Variants in BCAS3 observed in about 807,000 individuals in gnomAD.
BCAS3 encodes BCAS3 microtubule associated cell migration factor, also known as BCAS4/BCAS3 fusion.
In BCAS3, 53 loss-of-function variants were observed where a neutral mutation model predicts 116.1. The observed-to-expected ratio is 0.46, with a 90% CI of 0.37 to 0.57. The LOEUF (loss-of-function observed/expected upper bound fraction) is 0.57, where lower values mean the gene tolerates loss of function less well. BCAS3 is among the 20% of genes least tolerant of loss of function. The pLI, the probability that BCAS3 is intolerant of heterozygous loss-of-function variation, is 0.00. For synonymous variants in BCAS3, 391 were observed against 408.2 expected (o/e 0.96, Z 0.51); for missense variants, 917 against 1,165.4 (o/e 0.79, Z 3.10).
At chr17:60,898,109 G>A (rs1210706373) in intron 10 of BCAS3, among the ~76,000 whole-genome samples, 2 of 151,854 alleles carry the variant, frequency 1.3e-5, no homozygotes, top group African/African-American at 4.8e-5. Context: ...ATTCTGAATT[G>A]TTTTTCTGAT....
At chr17:61,064,302 C>T (rs2070381942) in intron 19 of BCAS3, among the ~76,000 whole-genome samples, 2 of 151,696 alleles carry the variant, frequency 1.3e-5, no homozygotes, top group Non-Finnish European at 2.9e-5. Context: ...CATAGCGATA[C>T]CTATCTCTTA....
At chr17:60,966,768 T>C (rs1204571286) in intron 14 of BCAS3, among the ~76,000 whole-genome samples, 1 of 151,150 alleles carries the variant, frequency 6.6e-6, no homozygotes, top group African/African-American at 2.4e-5. Flanking sequence ...TTCTTCTGCC[T>C]CAGCCTCCTG....
At chr17:61,123,686 A>C (rs1299878171) in intron 22 of BCAS3, among the ~76,000 whole-genome samples, 1 of 151,896 alleles carries the variant, frequency 6.6e-6, no homozygotes, top group Non-Finnish European at 1.5e-5. Flanking sequence ...CTCTACTTGT[A>C]GTGCCTCTGT....
chr17:61,387,536 G>T lies in BCAS3; in HGVS notation c.2594-4441G>T, dbSNP rs73991906. Among the ~76,000 whole-genome samples, 6,961 of 152,222 alleles carry T rather than the reference G, an allele frequency of 0.046. 472 individuals are homozygous for T. Among genetic ancestry groups the T allele is most frequent in the African/African-American group, 0.15 (6,263 of 41,504 alleles). ...GATCCGGCTGTCTCATCCTTCACTT[G>T]TTTCATGAGAGCGGAGGCACCTTTC... On this transcript the variant is annotated intron_variant, in intron 23 of 23. Coordinates refer to ENST00000407086, the MANE Select transcript of BCAS3 (RefSeq NM_017679.5). The surrounding 1 kb of genome is among the most constrained non-coding windows in gnomAD (Gnocchi z 6.2).
chr17:60,893,600 C>CTTTTTTTTTTTT (rs930873750), intron 10 of BCAS3, among the ~76,000 whole-genome samples: 4 of 82,054 alleles, frequency 4.9e-5, no homozygotes, highest in Non-Finnish European at 6.8e-5. Flanking sequence ...GACCTATGAT[C>CTTTTTTTTTTTT]TTTTTTTTTT....
intron 21 of BCAS3, among the ~76,000 whole-genome samples, chr17:61,081,100 A>G (rs1477861015): frequency 6.6e-6 from 1 of 152,240 alleles, no homozygotes; most frequent in African/African-American, 2.4e-5. Flanking sequence ...CGTGTTTACA[A>G]CAGTCATTTG....
chr17:61,313,849 C>A lies in BCAS3; in HGVS notation c.2426-54478C>A, dbSNP rs1168494375. On this transcript the variant is annotated intron_variant, in intron 22 of 23. Coordinates refer to ENST00000407086, the MANE Select transcript of BCAS3 (RefSeq NM_017679.5). This position sits in a 1 kb window ranked among gnomAD's most constrained non-coding sequence, Gnocchi z 4.3. The stretch of plus-strand genomic sequence containing the variant: ...AGCTCAAGCAAGAGATGTTTCAATG[C>A]CGCGGAGCCAGTGACCACACGTGGG... Among the ~76,000 whole-genome samples the A allele has an allele frequency of 2.0e-5, 3 of 152,214 alleles. No homozygotes were observed. The highest frequency in any genetic ancestry group is 4.4e-5 in the Non-Finnish European group (3 of 68,036).
At chr17:60,856,089 C>T (rs529291709) in intron 7 of BCAS3, among the ~76,000 whole-genome samples, 11 of 152,272 alleles carry the variant, frequency 7.2e-5, no homozygotes, top group South Asian at 2.1e-4. Flanking sequence ...AGGCCATGTC[C>T]GAGGTCAGCT....
At position 61,346,394 on chromosome 17, in the gene BCAS3, C is replaced by T. The variant is rs889475097; in HGVS notation, c.2426-21933C>T. 1.3e-5 allele frequency among the ~76,000 whole-genome samples: 2 copies of T among 152,196 alleles called. No individual in the cohort carries two copies. Among genetic ancestry groups the T allele is most frequent in the Non-Finnish European group, 1.5e-5 (1 of 68,032 alleles). Reference sequence around the variant, plus strand: ...ATGAGATGTCTAAAGTTCTGGCCTCCGGTTCCAGCTCTGTGGCCTAATACA... The same window carrying T: ...ATGAGATGTCTAAAGTTCTGGCCTCTGGTTCCAGCTCTGTGGCCTAATACA... On this transcript the variant is annotated intron_variant, in intron 22 of 23. Transcript: ENST00000407086. The surrounding 1 kb of genome is among the most constrained non-coding windows in gnomAD (Gnocchi z 5.4).
rs572278294 is a variant in BCAS3, at chr17:61,190,674, C to A, written c.2425+106110C>A. On this transcript the variant is annotated intron_variant, in intron 22 of 23. Transcript: ENST00000407086. ...CCAGGCTGGAGTGCTATGGCGTGAT[C>A]TCAGCTCACTGCACCGACTCCCGGG... Among the ~76,000 whole-genome samples, 7 of 151,698 alleles carry A rather than the reference C, an allele frequency of 4.6e-5. No individual in the cohort carries two copies. The South Asian group carries it at 1.5e-3, about 32-fold the overall frequency.
chr17:61,322,223 C>G (rs967269163), intron 22 of BCAS3, among the ~76,000 whole-genome samples: 3 of 152,170 alleles, frequency 2.0e-5, no homozygotes, highest in Non-Finnish European at 2.9e-5. Flanking sequence ...TGTGAGCCAC[C>G]ACACCCGGCC....
intron 7 of BCAS3, among the ~76,000 whole-genome samples, chr17:60,850,830 A>G (rs2144803292): frequency 6.6e-6 from 1 of 152,324 alleles, no homozygotes; most frequent in East Asian, 1.9e-4. Context: ...CTATATGAGT[A>G]AAACAACAAA....
chr17:61,272,960 GCTTA>G (rs1248636369), intron 22 of BCAS3, among the ~76,000 whole-genome samples: 1 of 151,904 alleles, frequency 6.6e-6, no homozygotes, highest in Non-Finnish European at 1.5e-5. Context: ...TTCTTTCTTG[GCTTA>G]CTTCCTTGCC....
At chr17:61,311,288 G>A (rs1286496158) in intron 22 of BCAS3, among the ~76,000 whole-genome samples, 3 of 152,182 alleles carry the variant, frequency 2.0e-5, no homozygotes, top group African/African-American at 7.2e-5. Flanking sequence ...ACATGTAGAT[G>A]TACCTTAAGA....
chr17:60,809,910 T>C (rs533163198), intron 7 of BCAS3, among the ~76,000 whole-genome samples: 1 of 152,012 alleles, frequency 6.6e-6, no homozygotes, highest in Non-Finnish European at 1.5e-5. Flanking sequence ...TTTAAAGTAA[T>C]GCAAGAATAA....
At chr17:60,875,880 G>A (rs534149800) in intron 9 of BCAS3, among the ~76,000 whole-genome samples, 2 of 151,934 alleles carry the variant, frequency 1.3e-5, no homozygotes, top group Admixed American at 6.5e-5. Context: ...GAACACCCAC[G>A]CATTTATTAT....
intron 22 of BCAS3, among the ~76,000 whole-genome samples, chr17:61,154,345 C>A (rs975528792): frequency 1.3e-5 from 2 of 152,126 alleles, no homozygotes; most frequent in Admixed American, 1.3e-4. Flanking sequence ...GACACAGTCA[C>A]CGTTTTTTGG....
At chr17:60,999,329 G>T (rs185825703) in intron 15 of BCAS3, among the ~76,000 whole-genome samples, 1 of 152,164 alleles carries the variant, frequency 6.6e-6, no homozygotes, top group East Asian at 1.9e-4. Flanking sequence ...CATGAGGTCA[G>T]AAGTTCGAGA....
intron 22 of BCAS3, among the ~76,000 whole-genome samples, chr17:61,230,142 T>TACACACACACAC (rs58423435): frequency 1.4e-4 from 21 of 150,050 alleles, no homozygotes; most frequent in African/African-American, 4.9e-4. Context: ...AGTGTGTGTA[T>TACACACACACAC]ACACACACAC....
Sources: allele counts gnomAD v4.1 joint callset (sites outside exome capture counted in the v4.1 genomes callset), GRCh38; gene constraint gnomAD v4.1.1; non-coding constraint Gnocchi (gnomAD v3.1); transcripts MANE v1.5; gene names NCBI Gene and HGNC (gene_info 2026-07-23, HGNC 2026-07-21).